The following SAMD4A variants were observed in gnomAD, a reference collection of about 807,000 sequenced individuals.
The protein encoded by SAMD4A is sterile alpha motif domain containing 4A, also known as protein Smaug homolog 1.
A neutral mutation model predicts 81.3 loss-of-function variants in SAMD4A; 33 were observed. The ratio of observed to expected loss-of-function variants is 0.41; its 90% confidence interval spans 0.31 to 0.54. SAMD4A has a LOEUF of 0.54. SAMD4A is among the 20% of genes least tolerant of loss of function. The probability of loss-of-function intolerance (pLI) is 0.37; values close to 1 mark genes in which losing one functional copy is unlikely to be tolerated. For synonymous variants in SAMD4A, 389 were observed against 382.1 expected (o/e 1.02, Z -0.21); for missense variants, 854 against 951.1 (o/e 0.90, Z 1.34).
At chr14:54,753,358 T>C (rs1354489358) in intron 6 of SAMD4A, among the ~76,000 whole-genome samples, 1,674 of 118,092 alleles carry the variant, frequency 0.014, no homozygotes, top group African/African-American at 0.018. Flanking sequence ...TTACCAAGTA[T>C]ACTGCTTGTA....
intron 2 of SAMD4A, among the ~76,000 whole-genome samples, chr14:54,630,603 G>C (rs933050014): frequency 3.3e-5 from 5 of 152,114 alleles, no homozygotes; most frequent in Non-Finnish European, 7.4e-5. Flanking sequence ...ATACGTATGA[G>C]TCTTTAGCTT....
At chr14:54,714,594 T>C (rs746890530) in intron 3 of SAMD4A, among the ~76,000 whole-genome samples, 1 of 151,998 alleles carries the variant, frequency 6.6e-6, no homozygotes, top group Admixed American at 6.6e-5. Context: ...CAGTAAGTAG[T>C]TTAAAGGGAA....
chr14:54,687,355 G>A (rs2140632400), intron 2 of SAMD4A: 1 of 456,578 alleles, frequency 2.2e-6, no homozygotes, highest in South Asian at 1.5e-5. Context: ...CAGGAAGGGT[G>A]GTGTGTGGTC....
Position 54,760,466 on chromosome 14 carries a change from C to T in SAMD4A, c.1482C>T (p.Pro494=), listed in dbSNP as rs555566389. 5.2e-5 allele frequency: 74 copies of T among 1,419,424 alleles called. No homozygotes were observed. In the South Asian group the frequency reaches 8.4e-4, roughly 16 times the overall value. 87.9% of individuals were successfully genotyped at this position (1,419,424 alleles called of 1,614,324 possible). The change falls in exon 7 of 13, where the codon CCC becomes CCT. Residue 494 remains proline (P), a synonymous_variant. Coordinates refer to ENST00000554335, the MANE Select transcript of SAMD4A (RefSeq NM_015589.6). ...CCCCCCTGCCAGAGGGGGACCTCCCCGGGCAGTTCACACGCGTCATGGGGA... is the reference window on the plus strand; with the variant it reads ...CCCCCCTGCCAGAGGGGGACCTCCCTGGGCAGTTCACACGCGTCATGGGGA... ...AVAPLPEGDL[P]GQFTRVMGKV...
intron 2 of SAMD4A, among the ~76,000 whole-genome samples, chr14:54,681,137 G>A (rs1412587687): frequency 6.6e-6 from 1 of 152,164 alleles, no homozygotes; most frequent in Non-Finnish European, 1.5e-5. Flanking sequence ...CAGCTGTTGG[G>A]CTGGGAACCA....
At chr14:54,618,482 A>C (rs535255329) in intron 2 of SAMD4A, among the ~76,000 whole-genome samples, 1 of 152,340 alleles carries the variant, frequency 6.6e-6, no homozygotes, top group East Asian at 1.9e-4. Flanking sequence ...AAGGTCTTTG[A>C]CTTTGAGAAA....
At chr14:54,769,907 C>T (rs2038656509) in intron 8 of SAMD4A, among the ~76,000 whole-genome samples, 197 bp from the exon 9 acceptor site, 1 of 152,202 alleles carries the variant, frequency 6.6e-6, no homozygotes, top group Non-Finnish European at 1.5e-5. Context: ...CCTTATCACG[C>T]ACCTCCAATG....
intron 2 of SAMD4A, among the ~76,000 whole-genome samples, chr14:54,699,773 C>G (rs1343000201): frequency 6.6e-6 from 1 of 152,130 alleles, no homozygotes; most frequent in Admixed American, 6.5e-5. Context: ...TCCTCAAGAT[C>G]GTCTCACTCT....
chr14:54,626,046 GTGTGT>G (rs1332904011), intron 2 of SAMD4A, among the ~76,000 whole-genome samples: 4 of 130,906 alleles, frequency 3.1e-5, no homozygotes, highest in African/African-American at 9.8e-5. Context: ...GTGTGTGTGT[GTGTGT>G]GTGTGTGTGC....
rs1467500661 is a variant in SAMD4A at position 54,759,423 on chromosome 14, C to T, written c.1177-738C>T. Among the ~76,000 whole-genome samples the T allele has an allele frequency of 3.3e-5, 5 of 152,184 alleles. No homozygotes were observed. The East Asian group carries it at 9.6e-4, about 29-fold the overall frequency. On this transcript the variant is annotated intron_variant, in intron 6 of 12. Transcript: ENST00000554335. ...CACCTGGAGCGTTTCTCCCCAGGAT[C>T]CTCATGCCCACGCTCATTTGGGTCC...
chr14:54,590,945 T>C (rs1263773494), intron 2 of SAMD4A, among the ~76,000 whole-genome samples: 3 of 152,228 alleles, frequency 2.0e-5, no homozygotes, highest in Non-Finnish European at 2.9e-5. Flanking sequence ...CATAGAGGAA[T>C]TTAAAAGTTT....
intron 11 of SAMD4A, 47 bp downstream of exon 11, chr14:54,776,587 A>AATAGATGC (rs2038856251): frequency 6.8e-7 from 1 of 1,464,488 alleles, no homozygotes; most frequent in African/African-American, 1.5e-5. Flanking sequence ...GGGAGGCCAA[A>AATAGATGC]ATAGATGCCC....
chr14:54,650,227 T>C (rs531870782), intron 2 of SAMD4A, among the ~76,000 whole-genome samples: 1 of 152,364 alleles, frequency 6.6e-6, no homozygotes, highest in East Asian at 1.9e-4. Context: ...TTACATATTG[T>C]TGATAAACCT....
chr14:54,780,477 G>A (rs914200885), intron 11 of SAMD4A, among the ~76,000 whole-genome samples: 7 of 152,210 alleles, frequency 4.6e-5, no homozygotes, highest in African/African-American at 1.7e-4. Flanking sequence ...CCAGTGGGGT[G>A]TGGAAGGGGC....
chr14:54,640,017 A>G (rs928736027), intron 2 of SAMD4A, among the ~76,000 whole-genome samples: 16 of 134,466 alleles, frequency 1.2e-4, no homozygotes, highest in African/African-American at 4.2e-4. Context: ...CAAAATATCT[A>G]TGTTTGATAA....
intron 2 of SAMD4A, among the ~76,000 whole-genome samples, chr14:54,642,783 G>A (rs908707176): frequency 5.9e-5 from 9 of 152,108 alleles, no homozygotes; most frequent in African/African-American, 1.2e-4. Flanking sequence ...AAGAGGAAGC[G>A]AGTCTGCTGT....
intron 2 of SAMD4A, among the ~76,000 whole-genome samples, chr14:54,654,176 G>A (rs1258340365): frequency 1.3e-5 from 2 of 152,142 alleles, no homozygotes; most frequent in East Asian, 3.9e-4. Flanking sequence ...ACCCAAGCTT[G>A]AGCTCTTTCC....
At chr14:54,646,707 C>G (rs2140405958) in intron 2 of SAMD4A, among the ~76,000 whole-genome samples, 1 of 152,316 alleles carries the variant, frequency 6.6e-6, no homozygotes, top group East Asian at 1.9e-4. Flanking sequence ...CATCAGTTCA[C>G]TGGGAGAATG....
chr14:54,605,637 C>T (rs200917235), intron 2 of SAMD4A, among the ~76,000 whole-genome samples: 1 of 152,026 alleles, frequency 6.6e-6, no homozygotes, highest in East Asian at 1.9e-4. Context: ...GAGTTCATGG[C>T]CAAAGGCATT....
Sources: gnomAD v4.1 joint callset for allele counts (sites outside exome capture counted in the v4.1 genomes callset) on GRCh38, gnomAD v4.1.1 for gene constraint, MANE v1.5 for transcripts, NCBI Gene and HGNC (gene_info 2026-07-23, HGNC 2026-07-21) for gene names.